The following NRXN3 variants were observed in gnomAD, a reference collection of about 807,000 sequenced individuals.
The protein encoded by NRXN3 is neurexin 3, also known as neurexin III.
A neutral mutation model predicts 137.6 loss-of-function variants in NRXN3; 32 were observed. The observed-to-expected ratio is 0.23, with a 90% CI of 0.18 to 0.31. NRXN3 has a LOEUF of 0.31. Ranked by LOEUF, NRXN3 falls within the 10% of genes least tolerant of loss-of-function variation. The pLI is 1.00. For missense variants in NRXN3, 1,574 were observed against 2,062.5 expected, an observed-to-expected ratio of 0.76 and a Z score of 4.59; for synonymous variants, 798 against 784.5, an observed-to-expected ratio of 1.02 and a Z score of -0.29.
intron 19 of NRXN3, among the ~76,000 whole-genome samples, chr14:79,734,899 G>C (rs1384567701): frequency 6.6e-6 from 1 of 152,120 alleles, no homozygotes; most frequent in Non-Finnish European, 1.5e-5. Context: ...GTGGCTTCTT[G>C]AGAAAGCTGG....
intron 15 of NRXN3, among the ~76,000 whole-genome samples, chr14:79,154,393 A>G (rs1159595641): frequency 6.6e-6 from 1 of 151,996 alleles, no homozygotes; most frequent in East Asian, 1.9e-4. Context: ...ACTACAAGAA[A>G]GAGTGATTTG....
chr14:78,831,202 A>T (rs1178860987), intron 10 of NRXN3, among the ~76,000 whole-genome samples: 1 of 152,080 alleles, frequency 6.6e-6, no homozygotes, highest in Non-Finnish European at 1.5e-5. Flanking sequence ...TTGGACTTTT[A>T]ATTTCCAAAT....
rs567155807 is a variant in NRXN3, at chr14:79,522,319, C to T, written c.3444+54917C>T. On this transcript the variant is annotated intron_variant, in intron 16 of 20. Transcript: ENST00000335750. ...TGGTATGAAGCAAGAAAGGGATATC[C>T]GGTTGTAACTGTTCATATTAAGAGG... is the stretch of plus-strand genomic sequence containing the variant. 1.9e-3 allele frequency among the ~76,000 whole-genome samples: 294 copies of T among 152,194 alleles called. 6 individuals carry two copies. Among genetic ancestry groups the T allele is most frequent in the Middle Eastern group, 0.014 (4 of 294 alleles).
intron 6 of NRXN3, among the ~76,000 whole-genome samples, chr14:78,698,565 G>T (rs554057886): frequency 2.0e-5 from 3 of 151,840 alleles, no homozygotes; most frequent in South Asian, 4.2e-4. Context: ...AAGCTACATT[G>T]TCATATTAGA....
At chr14:78,962,877 C>T (rs546790564) in intron 11 of NRXN3, among the ~76,000 whole-genome samples, 12 of 152,214 alleles carry the variant, frequency 7.9e-5, no homozygotes, top group Middle Eastern at 3.4e-3. Context: ...CCACGCCAGG[C>T]TAATTTTTGT....
At chr14:79,135,061 T>G (rs1039181854) in intron 15 of NRXN3, among the ~76,000 whole-genome samples, 2 of 152,222 alleles carry the variant, frequency 1.3e-5, no homozygotes, top group African/African-American at 4.8e-5. Context: ...CTCTCTCTTG[T>G]ATATGTTTAA....
intron 15 of NRXN3, among the ~76,000 whole-genome samples, chr14:79,064,137 C>A (rs2099677688): frequency 1.3e-5 from 2 of 152,090 alleles, no homozygotes; most frequent in Non-Finnish European, 2.9e-5. Context: ...TTCTCATAAT[C>A]ATCAGTGCTT....
chr14:79,544,593 A>G (rs943075066), intron 16 of NRXN3, among the ~76,000 whole-genome samples: 1 of 152,216 alleles, frequency 6.6e-6, no homozygotes, highest in African/African-American at 2.4e-5. Flanking sequence ...TCTGGAATCT[A>G]TGACATTTTT....
chr14:78,596,103 T>C (rs1468571600), intron 4 of NRXN3, among the ~76,000 whole-genome samples: 2 of 152,170 alleles, frequency 1.3e-5, no homozygotes, highest in Non-Finnish European at 2.9e-5. Flanking sequence ...AGTGCTGAGG[T>C]TGAGAAACCT....
chr14:78,667,432 T>TA (rs960528376), intron 6 of NRXN3, among the ~76,000 whole-genome samples: 3 of 152,162 alleles, frequency 2.0e-5, no homozygotes, highest in African/African-American at 4.8e-5. Flanking sequence ...CAATACCCCA[T>TA]AGCCATTTGT....
chr14:78,503,081 A>T (rs1257201653), intron 4 of NRXN3, among the ~76,000 whole-genome samples: 1 of 152,156 alleles, frequency 6.6e-6, no homozygotes, highest in Non-Finnish European at 1.5e-5. Flanking sequence ...AAATATGAGG[A>T]TGGGTAAATG....
chr14:78,813,349 T>C (rs2098920603), intron 10 of NRXN3, among the ~76,000 whole-genome samples: 1 of 152,164 alleles, frequency 6.6e-6, no homozygotes, highest in Non-Finnish European at 1.5e-5. Context: ...GATCTCACAT[T>C]GTCTCTGTAA....
chr14:79,150,958 T>G (rs1451290067), intron 15 of NRXN3, among the ~76,000 whole-genome samples: 2 of 152,052 alleles, frequency 1.3e-5, no homozygotes, highest in African/African-American at 2.4e-5. Context: ...TACACAAAAT[T>G]AAATGGAACT....
intron 15 of NRXN3, among the ~76,000 whole-genome samples, chr14:79,410,403 C>T (rs1030231906): frequency 4.0e-5 from 6 of 151,292 alleles, no homozygotes; most frequent in African/African-American, 7.3e-5. Context: ...TTCGTGTGTT[C>T]GTTTAAAATG....
At chr14:79,367,627 C>T (rs1197152743) in intron 15 of NRXN3, among the ~76,000 whole-genome samples, 2 of 151,974 alleles carry the variant, frequency 1.3e-5, no homozygotes, top group Non-Finnish European at 2.9e-5. Context: ...GACACAGTGC[C>T]AAAGATCTTT....
chr14:79,690,496 G>T (rs966697276), intron 17 of NRXN3, among the ~76,000 whole-genome samples: 6 of 152,014 alleles, frequency 3.9e-5, no homozygotes, highest in African/African-American at 1.4e-4. Flanking sequence ...TGTTCCTATT[G>T]CATTTTATTT....
intron 15 of NRXN3, among the ~76,000 whole-genome samples, chr14:79,125,063 G>A (rs1289937149): frequency 6.6e-6 from 1 of 152,086 alleles, no homozygotes; most frequent in African/African-American, 2.4e-5. Context: ...TACATAGAAG[G>A]CTTTACATTT....
chr14:78,345,637 C>G (rs1367106677), intron 4 of NRXN3, among the ~76,000 whole-genome samples: 3 of 152,110 alleles, frequency 2.0e-5, no homozygotes, highest in Non-Finnish European at 4.4e-5. Context: ...ATTACCACTT[C>G]TCAGTCTCGA....
intron 19 of NRXN3, among the ~76,000 whole-genome samples, chr14:79,739,330 AC>A (rs2098952558): frequency 6.6e-6 from 1 of 152,152 alleles, no homozygotes; most frequent in Non-Finnish European, 1.5e-5. Flanking sequence ...TTGGAGAAAT[AC>A]AATTTGGGAG....
Sources: gnomAD v4.1 joint callset for allele counts (sites outside exome capture counted in the v4.1 genomes callset) on GRCh38, gnomAD v4.1.1 for gene constraint, MANE v1.5 for transcripts, NCBI Gene and HGNC (gene_info 2026-07-23, HGNC 2026-07-21) for gene names.